The following ROBO1 variants were observed in gnomAD, a reference collection of about 807,000 sequenced individuals.
The protein encoded by ROBO1 is roundabout guidance receptor 1.
ROBO1 carries 149 observed loss-of-function variants against 195.9 expected under a neutral mutation model. The ratio of observed to expected loss-of-function variants is 0.76; its 90% confidence interval spans 0.67 to 0.87. The LOEUF (loss-of-function observed/expected upper bound fraction) is 0.87. Among genes scored for constraint, ROBO1 ranks in the 40% least tolerant of loss-of-function variants. The pLI is 0.00. For synonymous variants in ROBO1, 816 were observed against 733.2 expected, an observed-to-expected ratio of 1.11 and a Z score of -1.82; for missense variants, 1,933 against 2,068.3, an observed-to-expected ratio of 0.93 and a Z score of 1.27.
chr3:78,726,653 G>C (rs981727741), intron 5 of ROBO1, among the ~76,000 whole-genome samples: 2 of 152,102 alleles, frequency 1.3e-5, no homozygotes, highest in African/African-American at 2.4e-5. Context: ...CTGGATCTTT[G>C]ACCTAGAGAA....
chr3:79,422,232 A>G (rs975668589), intron 2 of ROBO1, among the ~76,000 whole-genome samples: 1 of 149,608 alleles, frequency 6.7e-6, no homozygotes, highest in African/African-American at 2.4e-5. Context: ...ATCATTATAT[A>G]TTGTAAATAC....
rs192366529 is a variant in ROBO1, at chr3:79,511,775, A to T, written c.88+78049T>A. On this transcript the variant is annotated intron_variant, in intron 2 of 30. Coordinates refer to ENST00000464233, the MANE Select transcript of ROBO1 (RefSeq NM_002941.4). ...ACAAGATCATGTCTTTTTCAGGGAC[A>T]TGGATGGAGCTGGAGGCCATTATCC... Among the ~76,000 whole-genome samples, 5 of 152,268 alleles carry T rather than the reference A, an allele frequency of 3.3e-5. No homozygotes were observed. The East Asian group carries it at 9.6e-4, about 29-fold the overall frequency.
chr3:79,281,417 G>C (rs2031498536), intron 2 of ROBO1, among the ~76,000 whole-genome samples: 1 of 152,022 alleles, frequency 6.6e-6, no homozygotes, highest in Non-Finnish European at 1.5e-5. Context: ...TTCTATATCA[G>C]GTGATGGGAA....
intron 4 of ROBO1, among the ~76,000 whole-genome samples, chr3:78,842,782 C>T (rs2033362084): frequency 1.3e-5 from 2 of 151,584 alleles, no homozygotes; most frequent in South Asian, 4.2e-4. Context: ...TCTACAACTA[C>T]TAGGAAGAAA....
At chr3:79,727,932 T>C (rs1199514581) in intron 1 of ROBO1, among the ~76,000 whole-genome samples, 1 of 152,138 alleles carries the variant, frequency 6.6e-6, no homozygotes, top group African/African-American at 2.4e-5. Flanking sequence ...GTCCCATGTA[T>C]AGCAACCTGC....
intron 2 of ROBO1, among the ~76,000 whole-genome samples, chr3:79,424,306 T>C (rs2038350636): frequency 6.6e-6 from 1 of 152,142 alleles, no homozygotes; most frequent in South Asian, 2.1e-4. Context: ...TCACTAGCTC[T>C]ACACATAATC....
intron 1 of ROBO1, among the ~76,000 whole-genome samples, chr3:79,703,053 C>G (rs543489907): frequency 1.4e-4 from 21 of 151,752 alleles, no homozygotes; most frequent in Non-Finnish European, 2.5e-4. Flanking sequence ...GCATTGGCAT[C>G]AAGAAAAGAA....
intron 28 of ROBO1, among the ~76,000 whole-genome samples, chr3:78,612,684 C>T (rs1420915162): frequency 6.6e-6 from 1 of 152,122 alleles, no homozygotes; most frequent in Non-Finnish European, 1.5e-5. Context: ...CTTGTTAGTA[C>T]AGTAAACATA....
chr3:79,380,526 A>G (rs188783069), intron 2 of ROBO1, among the ~76,000 whole-genome samples: 10 of 152,250 alleles, frequency 6.6e-5, no homozygotes, highest in African/African-American at 2.4e-4. Context: ...GAGATTCCTG[A>G]TGAAGATTAT....
At chr3:79,038,043 T>C (rs1249367008) in intron 3 of ROBO1, among the ~76,000 whole-genome samples, 1 of 152,168 alleles carries the variant, frequency 6.6e-6, no homozygotes, top group Non-Finnish European at 1.5e-5. Context: ...GAAAGTGCCA[T>C]ATAATAGCAC....
chr3:79,676,798 C>T (rs942978145), intron 1 of ROBO1, among the ~76,000 whole-genome samples: 5 of 151,996 alleles, frequency 3.3e-5, no homozygotes, highest in African/African-American at 1.2e-4. Context: ...CAGTTGATTA[C>T]ACACACCCAT....
intron 2 of ROBO1, among the ~76,000 whole-genome samples, chr3:79,554,582 T>C (rs1223215472): frequency 6.6e-6 from 1 of 152,064 alleles, no homozygotes; most frequent in Non-Finnish European, 1.5e-5. Flanking sequence ...CAATCATATG[T>C]ATCCAAAACT....
chr3:79,739,713 T>C (rs1303174200), intron 1 of ROBO1, among the ~76,000 whole-genome samples: 8 of 152,180 alleles, frequency 5.3e-5, no homozygotes, highest in East Asian at 3.9e-4. Flanking sequence ...GAAATCTTTA[T>C]GGTGTATCTA....
At chr3:79,341,219 G>A (rs1035430548) in intron 2 of ROBO1, among the ~76,000 whole-genome samples, 6 of 152,116 alleles carry the variant, frequency 3.9e-5, no homozygotes, top group African/African-American at 1.2e-4. Context: ...TTCTGGTAGA[G>A]TGTTTTTGCT....
chr3:79,277,589 A>T (rs2031146831), intron 2 of ROBO1, among the ~76,000 whole-genome samples: 1 of 152,060 alleles, frequency 6.6e-6, no homozygotes, highest in Non-Finnish European at 1.5e-5. Flanking sequence ...GTCAACAATA[A>T]TTTATTGTAC....
At chr3:78,672,558 G>A (rs936303930) in intron 10 of ROBO1, among the ~76,000 whole-genome samples, 8 of 140,640 alleles carry the variant, frequency 5.7e-5, no homozygotes, top group African/African-American at 2.2e-4. Flanking sequence ...TCAGGCCACC[G>A]CACTCCAGCC....
intron 3 of ROBO1, among the ~76,000 whole-genome samples, chr3:79,010,009 T>C (rs575951235): frequency 6.6e-6 from 1 of 152,282 alleles, no homozygotes; most frequent in South Asian, 2.1e-4. Context: ...TGGACTTATG[T>C]TTCTGTGTTG....
intron 2 of ROBO1, among the ~76,000 whole-genome samples, chr3:79,489,500 C>A (rs1317240105): frequency 6.6e-6 from 1 of 151,718 alleles, no homozygotes; most frequent in Non-Finnish European, 1.5e-5. Flanking sequence ...ATAAAAATTA[C>A]AAAAATTAGC....
intron 2 of ROBO1, among the ~76,000 whole-genome samples, chr3:79,494,652 A>C (rs1939634442): frequency 6.6e-6 from 1 of 152,176 alleles, no homozygotes; most frequent in African/African-American, 2.4e-5. Flanking sequence ...ATTGCACAAA[A>C]CACAATAGAG....
Sources: gnomAD v4.1 joint callset for allele counts (sites outside exome capture counted in the v4.1 genomes callset) on GRCh38, gnomAD v4.1.1 for gene constraint, MANE v1.5 for transcripts, NCBI Gene and HGNC (gene_info 2026-07-23, HGNC 2026-07-21) for gene names.